The following COPS2 variants were observed in gnomAD, a reference collection of about 807,000 sequenced individuals.
The protein encoded by COPS2 is COP9 signalosome complex subunit 2.
COPS2 carries 10 observed loss-of-function variants against 66.1 expected under a neutral mutation model. The ratio of observed to expected loss-of-function variants is 0.15; its 90% CI spans 0.09 to 0.26. The LOEUF (loss-of-function observed/expected upper bound fraction) is 0.26, where lower values mean the gene tolerates loss of function less well. Among genes scored for constraint, COPS2 ranks in the 10% least tolerant of loss-of-function variants. The probability of loss-of-function intolerance (pLI) is 1.00; values close to 1 mark genes in which losing one functional copy is unlikely to be tolerated. For missense variants in COPS2, 215 were observed against 513.3 expected (o/e 0.42, Z 5.62); for synonymous variants, 179 against 171.3 (o/e 1.04, Z -0.35).
At chr15:49,144,161 C>A (rs2084306873) in intron 3 of COPS2, 66 bp downstream of exon 3, 2 of 989,916 alleles carry the variant, frequency 2.0e-6, no homozygotes, top group Non-Finnish European at 3.2e-6. Context: ...TATAATAGTA[C>A]TTTGTCGTGA....
At chr15:49,150,392 C>A (rs1165701112) in intron 1 of COPS2, among the ~76,000 whole-genome samples, 1 of 151,724 alleles carries the variant, frequency 6.6e-6, no homozygotes, top group Non-Finnish European at 1.5e-5. Flanking sequence ...ATTTTTTGAA[C>A]TTAACATTTA....
intron 1 of COPS2, among the ~76,000 whole-genome samples, chr15:49,150,306 AATTT>A (rs1179254625): frequency 6.6e-6 from 1 of 151,766 alleles, no homozygotes; most frequent in Non-Finnish European, 1.5e-5. Context: ...AACCATTGAT[AATTT>A]ATTTGCAGAC....
intron 12 of COPS2, 23 bp from the exon 13 acceptor site, chr15:49,128,117 T>C (rs2084182246): frequency 6.2e-7 from 1 of 1,608,100 alleles, no homozygotes; most frequent in Non-Finnish European, 8.5e-7. Context: ...AAATAAGATG[T>C]GTCTACAAAA....
intron 1 of COPS2, among the ~76,000 whole-genome samples, chr15:49,147,155 C>A (rs895473822): frequency 5.9e-5 from 9 of 152,036 alleles, no homozygotes; most frequent in Non-Finnish European, 1.2e-4. Flanking sequence ...TAAGTTGGAA[C>A]AAATATAAAC....
intron 9 of COPS2, among the ~76,000 whole-genome samples, chr15:49,132,342 T>TAA (rs370409140): frequency 4.1e-5 from 6 of 145,694 alleles, no homozygotes; most frequent in East Asian, 4.0e-4. Context: ...TTAGTCCCCC[T>TAA]AAAAAAAAAC....
At chr15:49,143,435 C>T (rs1194952115) in intron 3 of COPS2, among the ~76,000 whole-genome samples, 2 of 152,156 alleles carry the variant, frequency 1.3e-5, no homozygotes, top group African/African-American at 4.8e-5. Flanking sequence ...AAGAGGCTAT[C>T]TCAATAATCC....
Position 49,137,235 on chromosome 15 carries a change from A to G in COPS2, c.463-8T>C. 6.3e-7 allele frequency: 1 copy of G among 1,587,490 alleles called. No individual in the cohort carries two copies. The highest frequency in any genetic ancestry group is 8.6e-7 in the Non-Finnish European group (1 of 1,169,588). The stretch of plus-strand genomic sequence containing the variant: ...TAAATATAATTTTCCAAGCTGCAAG[A>G]AAGCAAATTTATTAAAATCAAGATT... On this transcript the variant is annotated splice_polypyrimidine_tract_variant and splice_region_variant and intron_variant, in intron 5 of 12. Coordinates refer to ENST00000388901, the MANE Select transcript of COPS2 (RefSeq NM_004236.4).
chr15:49,140,989 CAA>C (rs35853072), intron 3 of COPS2, among the ~76,000 whole-genome samples: 20 of 98,456 alleles, frequency 2.0e-4, no homozygotes, highest in Admixed American at 2.1e-4. Context: ...GTGGATGGGA[CAA>C]AAAAAAAAAA....
Position 49,154,436 on chromosome 15 carries a change from T to G in COPS2, c.54+1089A>C, listed in dbSNP as rs17395358. Among the ~76,000 whole-genome samples, 274 of 152,286 alleles carry G rather than the reference T, an allele frequency of 1.8e-3. 2 individuals are homozygous for G. The highest frequency in any genetic ancestry group is 4.1e-3 in the Admixed American group (62 of 15,292). On this transcript the variant is annotated intron_variant, in intron 1 of 12. Coordinates refer to ENST00000388901, the MANE Select transcript of COPS2 (RefSeq NM_004236.4). The stretch of plus-strand genomic sequence containing the variant: ...CTCCCTTTTGCAAAGTGTGCCTTAT[T>G]TTAAAATGCAAAAAACTGAAAATAT...
At chr15:49,149,164 T>C (rs999145407) in intron 1 of COPS2, among the ~76,000 whole-genome samples, 2 of 152,148 alleles carry the variant, frequency 1.3e-5, no homozygotes, top group Non-Finnish European at 2.9e-5. Flanking sequence ...CAATAATAGT[T>C]CCAACCTACT....
At chr15:49,140,788 T>C (rs1041442075) in intron 3 of COPS2, among the ~76,000 whole-genome samples, 3 of 152,128 alleles carry the variant, frequency 2.0e-5, no homozygotes, top group Admixed American at 1.3e-4. Context: ...CATTGGCAGA[T>C]ACAAATGCTT....
At chr15:49,138,258 T>C (rs1426012605) in intron 4 of COPS2, among the ~76,000 whole-genome samples, 2 of 151,888 alleles carry the variant, frequency 1.3e-5, no homozygotes, top group East Asian at 3.8e-4. Flanking sequence ...TTTGAATATC[T>C]AATTCTCTGC....
chr15:49,137,210 T>C lies in COPS2; in HGVS notation c.480A>G (p.Leu160=), dbSNP rs1343459914. The part of the protein sequence containing the change: ...KTNTKLGKLY[L]EREEYGKLQK... ...GAAGCTTTCCATATTCCTCTCGTTC[T>C]AAATATAATTTTCCAAGCTGCAAGA... Residue 160 remains leucine, a synonymous_variant, in exon 6 of 13, where the codon TTA becomes TTG. Transcript: ENST00000388901. The C allele has an allele frequency of 1.9e-6, 3 of 1,605,266 alleles. No individual in the cohort carries two copies. Among genetic ancestry groups the C allele is most frequent in the Non-Finnish European group, 2.5e-6 (3 of 1,177,146 alleles).
intron 1 of COPS2, among the ~76,000 whole-genome samples, chr15:49,154,996 C>T (rs998942781): frequency 1.3e-5 from 2 of 152,360 alleles, no homozygotes; most frequent in East Asian, 1.9e-4. Flanking sequence ...CCAAAACTGG[C>T]CCTGGCAAGA....
At chr15:49,135,393 T>C (rs893285178) in intron 6 of COPS2, among the ~76,000 whole-genome samples, 1 of 152,008 alleles carries the variant, frequency 6.6e-6, no homozygotes, top group African/African-American at 2.4e-5. Flanking sequence ...AATACAAAGT[T>C]AAAAAAGCCA....
rs527829485 is a variant in COPS2, at chr15:49,135,677, A to G, written c.541-1163T>C. Reference sequence around the variant, plus strand: ...ATATTCATAAATATCTCACACTGACATACACTAAGCCAAAATTTATTGGGT... The same window carrying G: ...ATATTCATAAATATCTCACACTGACGTACACTAAGCCAAAATTTATTGGGT... On this transcript the variant is annotated intron_variant, in intron 6 of 12. Coordinates refer to ENST00000388901, the MANE Select transcript of COPS2 (RefSeq NM_004236.4). Among the ~76,000 whole-genome samples the G allele has an allele frequency of 9.2e-5, 14 of 152,330 alleles. 1 individual carries two copies. The highest frequency in any genetic ancestry group is 2.9e-4 in the African/African-American group (12 of 41,568).
chr15:49,146,410 G>T (rs548718525), intron 1 of COPS2, among the ~76,000 whole-genome samples: 1 of 151,762 alleles, frequency 6.6e-6, no homozygotes, highest in Non-Finnish European at 1.5e-5. Context: ...AACTGATCAA[G>T]CTAAAAAAAA....
chr15:49,129,624 T>C, intron 10 of COPS2, 65 bp from the exon 11 acceptor site: 1 of 700,274 alleles, frequency 1.4e-6, no homozygotes, highest in Non-Finnish European at 2.2e-6. Flanking sequence ...TATGGATCAT[T>C]ATGTACTCCT....
At chr15:49,150,808 TGGCTTA>T (rs1342456599) in intron 1 of COPS2, among the ~76,000 whole-genome samples, 1 of 152,140 alleles carries the variant, frequency 6.6e-6, no homozygotes, top group African/African-American at 2.4e-5. Context: ...ATTGGATACT[TGGCTTA>T]GTACCTGGGT....
Sources: gnomAD v4.1 joint callset for allele counts (sites outside exome capture counted in the v4.1 genomes callset) on GRCh38, gnomAD v4.1.1 for gene constraint, MANE v1.5 for transcripts, NCBI Gene and HGNC (gene_info 2026-07-23, HGNC 2026-07-21) for gene names.